The following PUDP variants were observed in gnomAD, a reference collection of about 807,000 sequenced individuals.
The protein encoded by PUDP is pseudouridine 5'-phosphatase.
Under a neutral mutation model 9.4 loss-of-function variants are expected in PUDP, and 8 were observed. The ratio of observed to expected loss-of-function variants is 0.85; its 90% CI spans 0.50 to 1.53. The LOEUF (loss-of-function observed/expected upper bound fraction) is 1.53. Ranked by LOEUF, PUDP falls within the 40% of genes most tolerant of loss-of-function variation. PUDP has a pLI of 0.00. For missense variants in PUDP, 188 were observed against 189.7 expected (o/e 0.99, Z 0.05); for synonymous variants, 99 against 80.7 (o/e 1.23, Z -1.22).
chrX:6,904,641 C>A (rs1047239723), intron 3 of PUDP, among the ~76,000 whole-genome samples: 1 of 111,573 alleles, frequency 9.0e-6, no homozygotes, highest in East Asian at 2.8e-4. Flanking sequence ...AGAGGAGCTG[C>A]GGCATTTGGT....
At chrX:6,806,406 A>C in intron 3 of PUDP, among the ~76,000 whole-genome samples, 1 of 111,817 alleles carries the variant, frequency 8.9e-6, no homozygotes, top group East Asian at 2.8e-4. Context: ...AGCACACCAT[A>C]GTCTTGAACT....
At chrX:6,959,077 G>A (rs1238826068) in intron 3 of PUDP, among the ~76,000 whole-genome samples, 1 of 112,082 alleles carries the variant, frequency 8.9e-6, no homozygotes, top group Non-Finnish European at 1.9e-5. Flanking sequence ...TGGCTAGGAG[G>A]TCAAGAATGA....
chrX:6,712,817 G>A (rs1924548734), intron 1 of PUDP, among the ~76,000 whole-genome samples: 5 of 111,643 alleles, frequency 4.5e-5, no homozygotes, highest in African/African-American at 9.8e-5. Context: ...GGAGGCTGAG[G>A]CGGGTGGATC....
At chrX:6,707,958 CCT>C (rs970437609) in intron 1 of PUDP, among the ~76,000 whole-genome samples, 1 of 111,767 alleles carries the variant, frequency 8.9e-6, no homozygotes, top group African/African-American at 3.3e-5. Context: ...ACGGTTGAGC[CCT>C]GTTTCACAAT....
At chrX:6,953,930 G>A (rs1226131313) in intron 3 of PUDP, among the ~76,000 whole-genome samples, 1 of 110,796 alleles carries the variant, frequency 9.0e-6, no homozygotes, top group Non-Finnish European at 1.9e-5. Flanking sequence ...TCATGAGGGT[G>A]GTTATCTCCA....
At chrX:6,720,340 T>C (rs57826734) in intron 1 of PUDP, among the ~76,000 whole-genome samples, 43,058 of 92,180 alleles carry the variant, frequency 0.47, 9,540 homozygotes, top group African/African-American at 0.68. Context: ...AGAAGTAATT[T>C]CTGCCATTTG....
intron 1 of PUDP, among the ~76,000 whole-genome samples, chrX:7,124,298 T>C (rs758715309): frequency 7.3e-4 from 82 of 111,698 alleles, no homozygotes; most frequent in Non-Finnish European, 1.4e-3. Context: ...GGGTCAAAGA[T>C]GAAATTATGA....
intron 3 of PUDP, among the ~76,000 whole-genome samples, chrX:6,837,241 A>G (rs1177471991): frequency 8.9e-6 from 1 of 112,473 alleles, no homozygotes; most frequent in African/African-American, 3.2e-5. Flanking sequence ...GCAAGAACAA[A>G]TAATACATCT....
At chrX:7,063,132 TACA>T (rs1486532452) in intron 3 of PUDP, among the ~76,000 whole-genome samples, 1 of 111,405 alleles carries the variant, frequency 9.0e-6, no homozygotes, top group African/African-American at 3.3e-5. Context: ...GTTACACTGG[TACA>T]ACAACACCAT....
At chrX:6,724,929 G>A (rs1043163067), upstream of PUDP, among the ~76,000 whole-genome samples, 1 of 111,879 alleles carries the variant, frequency 8.9e-6, no homozygotes, top group African/African-American at 3.2e-5. Flanking sequence ...CTTAATACCA[G>A]GTACTTGAAA....
At chrX:6,843,404 C>T (rs1926700912) in intron 3 of PUDP, among the ~76,000 whole-genome samples, 1 of 111,380 alleles carries the variant, frequency 9.0e-6, no homozygotes. Flanking sequence ...GGTCCAGTGG[C>T]CCCAGTGGAG....
At chrX:6,734,805 G>C (rs947090341) in intron 3 of PUDP, among the ~76,000 whole-genome samples, 4 of 111,565 alleles carry the variant, frequency 3.6e-5, no homozygotes, top group Non-Finnish European at 5.6e-5. Context: ...ATTAAAGAAT[G>C]TTGCCTTAGA....
chrX:6,746,959 T>C (rs1238432278), intron 3 of PUDP, among the ~76,000 whole-genome samples: 1 of 111,426 alleles, frequency 9.0e-6, no homozygotes, highest in African/African-American at 3.3e-5. Flanking sequence ...GTCAAAGATA[T>C]TTCTAGTTCT....
chrX:7,057,010 G>A (rs1430522680), intron 3 of PUDP, among the ~76,000 whole-genome samples: 1 of 112,024 alleles, frequency 8.9e-6, no homozygotes, highest in African/African-American at 3.2e-5. Context: ...TAGGGAGCAT[G>A]ACATTTCCAA....
At chrX:6,762,589 T>C (rs1014043509) in intron 3 of PUDP, among the ~76,000 whole-genome samples, 1 of 111,919 alleles carries the variant, frequency 8.9e-6, no homozygotes, top group Non-Finnish European at 1.9e-5. Context: ...CAAATATCTC[T>C]GAAGGAAGGA....
chrX:6,985,722 G>A (rs1929094900), intron 1 of PUDP, among the ~76,000 whole-genome samples: 1 of 111,228 alleles, frequency 9.0e-6, no homozygotes, highest in Admixed American at 9.6e-5. Context: ...GGCCCATCTG[G>A]AGGCAGCCTC....
intron 2 of PUDP, among the ~76,000 whole-genome samples, chrX:7,097,993 T>C (rs1158563440): frequency 1.8e-5 from 2 of 111,215 alleles, no homozygotes; most frequent in East Asian, 5.7e-4. Flanking sequence ...GGCTGGTGTG[T>C]GCTTTTCAAC....
At chrX:7,111,596 C>T (rs994184040) in intron 1 of PUDP, among the ~76,000 whole-genome samples, 1 of 111,347 alleles carries the variant, frequency 9.0e-6, no homozygotes, top group Admixed American at 9.6e-5. Context: ...TTTCGGGAAA[C>T]CCCAACTCTG....
chrX:6,773,655 C>G (rs1437059446), intron 3 of PUDP, among the ~76,000 whole-genome samples: 1 of 110,946 alleles, frequency 9.0e-6, no homozygotes, highest in African/African-American at 3.3e-5. Flanking sequence ...TGAGGAGTAG[C>G]TAAAACAGGG....
Sources: allele counts gnomAD v4.1 joint callset (sites outside exome capture counted in the v4.1 genomes callset), GRCh38; gene constraint gnomAD v4.1.1; transcripts MANE v1.5; gene names NCBI Gene and HGNC (gene_info 2026-07-23, HGNC 2026-07-21).